Variants in NPRL3 observed in about 807,000 individuals in gnomAD.
NPRL3 encodes NPR3 like, GATOR1 complex subunit.
NPRL3 carries 23 observed loss-of-function variants against 57.2 expected under a neutral mutation model. The observed-to-expected ratio is 0.40, with a 90% CI of 0.29 to 0.57. NPRL3 has a LOEUF of 0.57. Ranked by LOEUF, NPRL3 falls within the 20% of genes least tolerant of loss-of-function variation. The pLI is 0.42. For missense variants in NPRL3, 691 were observed against 767.1 expected, an observed-to-expected ratio of 0.90 and a Z score of 1.17; for synonymous variants, 333 against 321.1, an observed-to-expected ratio of 1.04 and a Z score of -0.39.
chr16:100,606 G>T, intron 7 of NPRL3, 97 bp from the exon 8 acceptor site: 1 of 1,202,554 alleles, frequency 8.3e-7, no homozygotes. Context: ...TTCCCCTGCT[G>T]CTTAGGGGAA....
intron 9 of NPRL3, among the ~76,000 whole-genome samples, chr16:93,827 C>G (rs1239198344): frequency 6.6e-6 from 1 of 152,212 alleles, no homozygotes; most frequent in East Asian, 1.9e-4. Flanking sequence ...TTCCAAAGTG[C>G]TGGGATTACA....
intron 7 of NPRL3, among the ~76,000 whole-genome samples, chr16:105,591 C>G (rs1190044349): frequency 1.3e-5 from 2 of 152,216 alleles, no homozygotes; most frequent in African/African-American, 2.4e-5. Context: ...CAAGTACCAC[C>G]TACCCAGCCA....
intron 3 of NPRL3, among the ~76,000 whole-genome samples, chr16:126,848 G>C (rs570697864): frequency 1.2e-4 from 18 of 152,286 alleles, no homozygotes; most frequent in African/African-American, 4.3e-4. Context: ...ATAAGTAAGA[G>C]TTAATCTCTA....
intron 2 of NPRL3, among the ~76,000 whole-genome samples, chr16:137,092 G>A (rs956446599): frequency 6.9e-6 from 1 of 144,942 alleles, no homozygotes; most frequent in East Asian, 2.1e-4. Context: ...TGGTGCACAT[G>A]CCCTGTAGCC....
At chr16:95,913 C>G (rs1275786322) in intron 9 of NPRL3, among the ~76,000 whole-genome samples, 3 of 152,210 alleles carry the variant, frequency 2.0e-5, no homozygotes, top group Non-Finnish European at 4.4e-5. Context: ...ACACCTGAGG[C>G]AGGTGCTCCC....
intron 2 of NPRL3, among the ~76,000 whole-genome samples, chr16:131,619 A>AAAAG (rs1596540880): frequency 6.7e-6 from 1 of 148,930 alleles, no homozygotes; most frequent in African/African-American, 2.5e-5. Flanking sequence ...AAAAAAAAAA[A>AAAAG]CGCTAACAAT....
At chr16:89,509 C>G in intron 12 of NPRL3, 2 of 530,324 alleles carry the variant, frequency 3.8e-6, no homozygotes, top group Non-Finnish European at 6.5e-6. Context: ...GCTGAAGAGC[C>G]CGGAGACAGA....
intron 5 of NPRL3, among the ~76,000 whole-genome samples, chr16:116,948 C>A (rs1028518672): frequency 9.4e-5 from 14 of 148,204 alleles, no homozygotes; most frequent in Admixed American, 7.6e-4. Context: ...ACACTCCAGC[C>A]TGGGTGACAC....
chr16:104,151 G>C (rs1288321250), intron 7 of NPRL3, among the ~76,000 whole-genome samples: 1 of 150,326 alleles, frequency 6.7e-6, no homozygotes, highest in Non-Finnish European at 1.5e-5. Flanking sequence ...AAATTAGCCA[G>C]GTGTGGTGGC....
intron 9 of NPRL3, 110 bp downstream of exon 9, chr16:98,035 G>C: frequency 7.4e-7 from 1 of 1,358,596 alleles, no homozygotes; most frequent in South Asian, 1.4e-5. Context: ...GGGCTGTGCC[G>C]CGGCTCTCAG....
chr16:101,724 G>A (rs1270814189), intron 7 of NPRL3, among the ~76,000 whole-genome samples: 1 of 152,156 alleles, frequency 6.6e-6, no homozygotes, highest in Non-Finnish European at 1.5e-5. Context: ...CAACACCCAC[G>A]TTCCTGTGGC....
chr16:113,530 C>G (rs1350463411), intron 5 of NPRL3, among the ~76,000 whole-genome samples: 1 of 152,200 alleles, frequency 6.6e-6, no homozygotes, highest in Non-Finnish European at 1.5e-5. Context: ...CACAGTCAGC[C>G]AGGCAAGCAC....
chr16:101,765 C>T (rs1344725541), intron 7 of NPRL3, among the ~76,000 whole-genome samples: 5 of 152,196 alleles, frequency 3.3e-5, no homozygotes, highest in Admixed American at 2.6e-4. Context: ...ACTCAGGTCC[C>T]GCTGTGCTCA....
chr16:123,136 A>C (rs1241796263), intron 3 of NPRL3, among the ~76,000 whole-genome samples: 1 of 152,202 alleles, frequency 6.6e-6, no homozygotes, highest in Admixed American at 6.5e-5. Flanking sequence ...AGGTCTCTCT[A>C]GGGCGGCAGT....
At chr16:127,855 C>T (rs139678046) in intron 3 of NPRL3, among the ~76,000 whole-genome samples, 1,744 of 151,268 alleles carry the variant, frequency 0.012, 14 homozygotes, top group South Asian at 0.043. Context: ...GGGGTTTCAC[C>T]GTGTTAGCCA....
chr16:122,240 G>A (rs1325339961), intron 3 of NPRL3, among the ~76,000 whole-genome samples: 1 of 152,002 alleles, frequency 6.6e-6, no homozygotes, highest in East Asian at 1.9e-4. Context: ...GGGATTACAG[G>A]CGCGTGCCAC....
At chr16:94,566 T>C (rs1031843814) in intron 9 of NPRL3, among the ~76,000 whole-genome samples, 3 of 152,124 alleles carry the variant, frequency 2.0e-5, no homozygotes, top group Admixed American at 1.3e-4. Context: ...CTGGGCAATA[T>C]AGTGAGACCC....
intron 2 of NPRL3, among the ~76,000 whole-genome samples, chr16:131,478 CAAAAA>C (rs35711713): frequency 1.0e-5 from 1 of 98,518 alleles, no homozygotes. Flanking sequence ...GACTCCGTCT[CAAAAA>C]AAAAAAAAAA....
chr16:129,049 T>A (rs1224823447), intron 3 of NPRL3, among the ~76,000 whole-genome samples: 1 of 152,246 alleles, frequency 6.6e-6, no homozygotes, highest in East Asian at 1.9e-4. Flanking sequence ...CCCACAGTTT[T>A]ACCTCTTCAT....
Sources: gnomAD v4.1 joint callset for allele counts (sites outside exome capture counted in the v4.1 genomes callset) on GRCh38, gnomAD v4.1.1 for gene constraint, MANE v1.5 for transcripts, NCBI Gene and HGNC (gene_info 2026-07-23, HGNC 2026-07-21) for gene names.